The following CLNK variants were observed in gnomAD, a reference collection of about 807,000 sequenced individuals.
CLNK encodes cytokine dependent hematopoietic cell linker.
Under a neutral mutation model 68.6 loss-of-function variants are expected in CLNK, and 74 were observed. The observed-to-expected ratio is 1.08, with a 90% CI of 0.89 to 1.31. The LOEUF is 1.31. Among genes scored for constraint, CLNK ranks in the 50% most tolerant of loss-of-function variants. The pLI, the probability that CLNK is intolerant of heterozygous loss-of-function variation, is 0.00. For synonymous variants in CLNK, 198 were observed against 172.2 expected, an observed-to-expected ratio of 1.15 and a Z score of -1.17; for missense variants, 553 against 515.3, an observed-to-expected ratio of 1.07 and a Z score of -0.71.
At chr4:10,635,353 C>T (rs1184516385) in intron 2 of CLNK, among the ~76,000 whole-genome samples, 2 of 152,146 alleles carry the variant, frequency 1.3e-5, no homozygotes, top group African/African-American at 4.8e-5. Context: ...AATCAGATTG[C>T]CCCGTTTCCT....
chr4:10,615,486 C>T lies in CLNK; in HGVS notation c.12-17437G>A, dbSNP rs182129041. Reference sequence around the variant, plus strand: ...AAGCAGAGGTCGTGCCGCCGCACTCCAGCCTGGGCAACGGAGTAAGACTCT... The same window carrying T: ...AAGCAGAGGTCGTGCCGCCGCACTCTAGCCTGGGCAACGGAGTAAGACTCT... On this transcript the variant is annotated intron_variant, in intron 2 of 18. Transcript: ENST00000226951. Among the ~76,000 whole-genome samples the T allele has an allele frequency of 1.7e-3, 262 of 152,198 alleles. 1 individual carries two copies. Among genetic ancestry groups the T allele is most frequent in the African/African-American group, 6.0e-3 (249 of 41,522 alleles).
chr4:10,651,642 GCTAA>G lies in CLNK; in HGVS notation c.11+16213_11+16216del, dbSNP rs370420523. The stretch of plus-strand genomic sequence containing the variant: ...AAATATGACCAAAGACAAAGAGTAT[GCTAA>G]CTATTTGGGTAAATATTTAAAAGTA... On this transcript the variant is annotated intron_variant, in intron 2 of 18. Transcript: ENST00000226951. Among the ~76,000 whole-genome samples the G allele has an allele frequency of 7.9e-4, 121 of 152,252 alleles. 2 individuals carry two copies. In the East Asian group the frequency reaches 0.016, roughly 21 times the overall value.
chr4:10,722,376 C>G, the CLNK span, among the ~76,000 whole-genome samples: 4 of 152,266 alleles, frequency 2.6e-5, no homozygotes, highest in African/African-American at 9.6e-5. Context: ...CCCTTCCAGC[C>G]CCATCTCCCG....
At chr4:10,672,695 T>A (rs1317418046) in intron 1 of CLNK, among the ~76,000 whole-genome samples, 2 of 152,118 alleles carry the variant, frequency 1.3e-5, no homozygotes, top group Non-Finnish European at 2.9e-5. Context: ...TCCCAGAAAG[T>A]TTGATTCAAT....
At chr4:10,629,121 A>C (rs1341431810) in intron 2 of CLNK, among the ~76,000 whole-genome samples, 1 of 151,972 alleles carries the variant, frequency 6.6e-6, no homozygotes, top group Non-Finnish European at 1.5e-5. Context: ...CTGTAACCTC[A>C]AGATGGTTTA....
the CLNK span, among the ~76,000 whole-genome samples, chr4:10,717,429 C>CT: frequency 6.6e-6 from 1 of 152,186 alleles, no homozygotes; most frequent in Non-Finnish European, 1.5e-5. Context: ...AACCCCGTCT[C>CT]TATTAAAAAT....
At chr4:10,533,592 A>G (rs548003302) in intron 11 of CLNK, among the ~76,000 whole-genome samples, 1 of 152,328 alleles carries the variant, frequency 6.6e-6, no homozygotes, top group South Asian at 2.1e-4. Context: ...TTAGCCTCTT[A>G]CATCTTACCC....
intron 2 of CLNK, among the ~76,000 whole-genome samples, chr4:10,633,192 C>A (rs1437300494): frequency 1.3e-5 from 2 of 152,172 alleles, no homozygotes; most frequent in Non-Finnish European, 2.9e-5. Context: ...CCTGCCTCGG[C>A]CTCCCAAAGT....
At chr4:10,679,410 A>G (rs1316989796) in intron 1 of CLNK, among the ~76,000 whole-genome samples, 6 of 152,208 alleles carry the variant, frequency 3.9e-5, no homozygotes, top group Non-Finnish European at 7.3e-5. Context: ...AACCATAAAA[A>G]CCCTAGAAGA....
At chr4:10,594,332 G>T (rs564899715) in intron 3 of CLNK, among the ~76,000 whole-genome samples, 1 of 152,174 alleles carries the variant, frequency 6.6e-6, no homozygotes, top group Non-Finnish European at 1.5e-5. Context: ...GTCACTTAGC[G>T]AGTAGGGGCA....
Position 10,673,251 on chromosome 4 carries a change from G to C in CLNK, c.-42-5340C>G, listed in dbSNP as rs571263265. Among the ~76,000 whole-genome samples, 3 of 152,154 alleles carry C rather than the reference G, an allele frequency of 2.0e-5. No homozygotes were observed. In the South Asian group the frequency reaches 6.2e-4, roughly 32 times the overall value. ...AGGAATTAGAGAGCATAGAGCATAA[G>C]GTATTATGGGAACACAGGGAAAAAT... is the stretch of plus-strand genomic sequence containing the variant. On this transcript the variant is annotated intron_variant, in intron 1 of 18. Transcript: ENST00000226951.
intron 2 of CLNK, among the ~76,000 whole-genome samples, chr4:10,665,786 C>T (rs1724374432): frequency 6.6e-6 from 1 of 152,068 alleles, no homozygotes; most frequent in African/African-American, 2.4e-5. Flanking sequence ...CCACGTTGCC[C>T]CTGAAGAGGG....
chr4:10,574,608 C>A (rs547888498), intron 4 of CLNK, among the ~76,000 whole-genome samples: 1 of 152,254 alleles, frequency 6.6e-6, no homozygotes, highest in South Asian at 2.1e-4. Context: ...CTTTCCCAGA[C>A]CCTCACGCCA....
At chr4:10,699,281 C>CGTATGTGTGTAT in the CLNK span, among the ~76,000 whole-genome samples, 1 of 63,712 alleles carries the variant, frequency 1.6e-5, no homozygotes. Context: ...ACACACACCA[C>CGTATGTGTGTAT]ATACGTGTAT....
At chr4:10,637,583 C>CTT (rs1158317670) in intron 2 of CLNK, among the ~76,000 whole-genome samples, 768 of 71,442 alleles carry the variant, frequency 0.011, 128 homozygotes, top group Admixed American at 0.036. Flanking sequence ...CACCATTCCT[C>CTT]TTTTTTTTTT....
chr4:10,653,801 A>G (rs1027375101), intron 2 of CLNK, among the ~76,000 whole-genome samples: 1 of 152,238 alleles, frequency 6.6e-6, no homozygotes, highest in Non-Finnish European at 1.5e-5. Context: ...CAACAGACCA[A>G]GTAAGAACTG....
intron 15 of CLNK, 79 bp from the exon 16 acceptor site, chr4:10,513,676 A>C: frequency 7.1e-7 from 1 of 1,405,970 alleles, no homozygotes; most frequent in Non-Finnish European, 9.5e-7. Context: ...AGGAGCTGAA[A>C]CCCTTTGCTC....
chr4:10,588,722 T>A (rs1721074282), intron 3 of CLNK, among the ~76,000 whole-genome samples: 1 of 152,186 alleles, frequency 6.6e-6, no homozygotes. Context: ...AAGTATATAC[T>A]TGTGAATGGA....
rs949887822 is a variant in CLNK, at chr4:10,486,605, C to T, written c.*3862G>A. 1.3e-5 allele frequency: 2 copies of T among 152,030 alleles called. No homozygotes were observed. The highest frequency in any genetic ancestry group is 4.8e-5 in the African/African-American group (2 of 41,388). The allele number at this position is 152,030 out of a possible 1,614,324, so 9.4% of individuals were successfully genotyped here. On this transcript the variant is annotated 3_prime_UTR_variant, in exon 19 of 19. Coordinates refer to ENST00000226951, the MANE Select transcript of CLNK (RefSeq NM_052964.4). Reference sequence around the variant, plus strand: ...GACAATGGGGTTCATTTGATTCCTCCGTAGTAATTAGAACAGGAGACTTAA... The same window carrying T: ...GACAATGGGGTTCATTTGATTCCTCTGTAGTAATTAGAACAGGAGACTTAA...
Sources: gnomAD v4.1 joint callset for allele counts (sites outside exome capture counted in the v4.1 genomes callset) on GRCh38, gnomAD v4.1.1 for gene constraint, MANE v1.5 for transcripts, NCBI Gene and HGNC (gene_info 2026-07-23, HGNC 2026-07-21) for gene names.